KIAA1328: variants seen among roughly 807,000 people sequenced by gnomAD.
KIAA1328 encodes protein hinderin.
Under a neutral mutation model 68.1 loss-of-function variants are expected in KIAA1328, and 52 were observed. That is an observed-to-expected ratio of 0.76 (90% CI 0.61 to 0.96). The LOEUF (loss-of-function observed/expected upper bound fraction) is 0.96. Ranked by LOEUF, KIAA1328 falls within the 40% of genes least tolerant of loss-of-function variation. The pLI, the probability that KIAA1328 is intolerant of heterozygous loss-of-function variation, is 0.00. For missense variants in KIAA1328, 641 were observed against 677.6 expected (o/e 0.95, Z 0.60); for synonymous variants, 232 against 239.4 (o/e 0.97, Z 0.28).
intron 4 of KIAA1328, among the ~76,000 whole-genome samples, chr18:36,868,702 A>G (rs1248201543): frequency 1.3e-5 from 2 of 152,140 alleles, no homozygotes; most frequent in South Asian, 2.1e-4. Context: ...ACCATCCAGT[A>G]TTTCATGTCC....
intron 5 of KIAA1328, among the ~76,000 whole-genome samples, chr18:36,891,226 A>T (rs1176617560): frequency 2.0e-5 from 3 of 152,236 alleles, no homozygotes; most frequent in Non-Finnish European, 4.4e-5. Context: ...AAGTCCAAAA[A>T]GTGAAAATAT....
At chr18:37,133,548 C>T (rs1163697349) in intron 7 of KIAA1328, among the ~76,000 whole-genome samples, 2 of 131,102 alleles carry the variant, frequency 1.5e-5, no homozygotes, top group Non-Finnish European at 3.1e-5. Flanking sequence ...TTTTTTGAGA[C>T]GGAGTCTCGC....
intron 7 of KIAA1328, among the ~76,000 whole-genome samples, chr18:37,095,762 T>A (rs1417039957): frequency 6.6e-6 from 1 of 151,544 alleles, no homozygotes; most frequent in Non-Finnish European, 1.5e-5. Context: ...TAAGACTAAC[T>A]AAGGAAAAAA....
chr18:37,015,805 CAT>C (rs986357794), intron 6 of KIAA1328, among the ~76,000 whole-genome samples: 17 of 152,130 alleles, frequency 1.1e-4, no homozygotes, highest in Non-Finnish European at 1.8e-4. Flanking sequence ...TCAGCTTGAA[CAT>C]TGTTGGTGTA....
chr18:37,110,751 A>G (rs1372020602), intron 7 of KIAA1328, among the ~76,000 whole-genome samples: 1 of 152,200 alleles, frequency 6.6e-6, no homozygotes, highest in African/African-American at 2.4e-5. Flanking sequence ...CTGAGCATAC[A>G]TTTTGTTTAT....
At chr18:37,024,592 T>A (rs1355313343) in intron 6 of KIAA1328, among the ~76,000 whole-genome samples, 1 of 149,668 alleles carries the variant, frequency 6.7e-6, no homozygotes, top group African/African-American at 2.4e-5. Context: ...GTGTTCTTAT[T>A]GTTCAATTCC....
At chr18:37,016,580 C>A (rs890565575) in intron 6 of KIAA1328, among the ~76,000 whole-genome samples, 1 of 152,076 alleles carries the variant, frequency 6.6e-6, no homozygotes, top group Non-Finnish European at 1.5e-5. Context: ...AACTGTGAAT[C>A]CATCTGGTCT....
chr18:37,122,786 G>C (rs549472725), intron 7 of KIAA1328, among the ~76,000 whole-genome samples: 84 of 152,256 alleles, frequency 5.5e-4, no homozygotes, highest in African/African-American at 1.9e-3. Context: ...CTGATGGATA[G>C]TGAGGTTGAA....
chr18:37,026,971 A>G (rs1025613347), intron 6 of KIAA1328, among the ~76,000 whole-genome samples: 5 of 152,066 alleles, frequency 3.3e-5, no homozygotes, highest in African/African-American at 1.2e-4. Flanking sequence ...TATCTAGAAA[A>G]CCCCATCTTC....
At chr18:37,099,123 A>C (rs543843281) in intron 7 of KIAA1328, among the ~76,000 whole-genome samples, 1 of 151,870 alleles carries the variant, frequency 6.6e-6, no homozygotes, top group Admixed American at 6.6e-5. Context: ...CTAGCTTTTG[A>C]ATGTGTTTGC....
At chr18:37,128,179 A>G (rs549274522) in intron 7 of KIAA1328, among the ~76,000 whole-genome samples, 104 of 152,306 alleles carry the variant, frequency 6.8e-4, no homozygotes, top group Admixed American at 1.9e-3. Flanking sequence ...CACAAAAATC[A>G]CAACTTAGGC....
chr18:37,080,184 T>G (rs1214765366), intron 7 of KIAA1328, among the ~76,000 whole-genome samples: 1 of 152,184 alleles, frequency 6.6e-6, no homozygotes, highest in East Asian at 1.9e-4. Flanking sequence ...CATAAAATAG[T>G]TTGAGATCTT....
Position 37,160,271 on chromosome 18 carries a change from CA to C in KIAA1328, c.1307del (p.Asn436ThrfsTer18). The C allele has an allele frequency of 6.2e-7, 1 of 1,613,642 alleles. No homozygotes were observed. On this transcript the variant is annotated frameshift_variant, in exon 8 of 10. Coordinates refer to ENST00000280020, the MANE Select transcript of KIAA1328 (RefSeq NM_020776.3). LOFTEE classifies it high-confidence loss of function. ...SSSIKKHQDP[P>X]NSGENRKERK... ...TCTATTAAAAAGCACCAAGACCCCC[CA>C]AACAGTGGAGAGAATAGGAAGGAGA...
intron 6 of KIAA1328, among the ~76,000 whole-genome samples, chr18:37,063,841 G>C (rs906375248): frequency 6.6e-6 from 1 of 151,976 alleles, no homozygotes; most frequent in African/African-American, 2.4e-5. Flanking sequence ...ATAATGTTAT[G>C]AAACAAAAAT....
intron 1 of KIAA1328, 166 bp downstream of exon 1, chr18:36,829,362 G>A: frequency 1.5e-6 from 2 of 1,378,544 alleles, no homozygotes; most frequent in Non-Finnish European, 1.9e-6. Context: ...CCCTTGCTTG[G>A]GTGTTAGGTG....
chr18:36,829,334 T>C (rs1276144825), intron 1 of KIAA1328, 138 bp downstream of exon 1: 57 of 1,399,060 alleles, frequency 4.1e-5, no homozygotes, highest in Non-Finnish European at 4.9e-5. Context: ...TCGGCCCCAG[T>C]CTAGGTGCTG....
chr18:36,902,160 A>T (rs949570600), intron 5 of KIAA1328: 1 of 151,982 alleles, frequency 6.6e-6, no homozygotes, highest in African/African-American at 2.4e-5. Flanking sequence ...GTTGCAAAAA[A>T]AAAAATTCTG....
At position 36,930,564 on chromosome 18, in the gene KIAA1328, A is replaced by G. The variant is rs184898334; in HGVS notation, c.449-28744A>G. 1.2e-4 allele frequency among the ~76,000 whole-genome samples: 19 copies of G among 152,298 alleles called. No homozygotes were observed. The East Asian group carries it at 2.5e-3, about 20-fold the overall frequency. On this transcript the variant is annotated intron_variant, in intron 5 of 9. Coordinates refer to ENST00000280020, the MANE Select transcript of KIAA1328 (RefSeq NM_020776.3). ...TTCTCATTTTGAATTTAGCAATAGTAGTTTTAAAAATAATGGTAGCAATAC... is the reference window on the plus strand; with the variant it reads ...TTCTCATTTTGAATTTAGCAATAGTGGTTTTAAAAATAATGGTAGCAATAC...
rs1161488314 is a variant in KIAA1328 at position 37,143,302 on chromosome 18, G to A, written c.1233-16898G>A. ...ACTCAGCAATGCCATATAGTTTCCA[G>A]TTTACCAGTCTTACACATTTTTTGT... On this transcript the variant is annotated intron_variant, in intron 7 of 9. Coordinates refer to ENST00000280020, the MANE Select transcript of KIAA1328 (RefSeq NM_020776.3). 2.0e-5 allele frequency among the ~76,000 whole-genome samples: 3 copies of A among 152,162 alleles called. No individual in the cohort carries two copies. In the East Asian group the frequency reaches 5.8e-4, roughly 29 times the overall value.
Sources: gnomAD v4.1 joint callset for allele counts (sites outside exome capture counted in the v4.1 genomes callset) on GRCh38, gnomAD v4.1.1 for gene constraint, MANE v1.5 for transcripts, NCBI Gene and HGNC (gene_info 2026-07-23, HGNC 2026-07-21) for gene names.